The following DCAF15 variants were observed in gnomAD, a reference collection of about 807,000 sequenced individuals.
DCAF15 encodes DDB1- and CUL4-associated factor 15.
DCAF15 carries 24 observed loss-of-function variants against 68.0 expected under a neutral mutation model. The observed-to-expected ratio is 0.35, with a 90% CI of 0.26 to 0.50. DCAF15 has a LOEUF of 0.50. Among genes scored for constraint, DCAF15 ranks in the 20% least tolerant of loss-of-function variants. The pLI is 0.98. For missense variants in DCAF15, 627 were observed against 830.6 expected (o/e 0.75, Z 3.01); for synonymous variants, 376 against 341.6 (o/e 1.10, Z -1.11).
intron 6 of DCAF15, 147 bp from the exon 7 acceptor site, chr19:13,958,898 C>T (rs1332473673): frequency 2.1e-6 from 2 of 951,190 alleles, no homozygotes; most frequent in African/African-American, 1.6e-5. Flanking sequence ...AAAGGTCTTT[C>T]CCCTTTTGGG....
chr19:13,960,888 G>T (rs374451092), intron 12 of DCAF15, 52 bp from the exon 13 acceptor site: 37 of 1,610,112 alleles, frequency 2.3e-5, no homozygotes, highest in Non-Finnish European at 3.1e-5. Flanking sequence ...GGGTGTGGCC[G>T]CAGGGCCAGG....
chr19:13,956,514 A>G lies in DCAF15; in HGVS notation c.776A>G (p.His259Arg). ...YSLVACAVSV[H>R]SAGDRSFCQI... ...CTGGTGGCCTGCGCCGTCTCCGTCC[A>G]CTCGGCAGGTAGGCCCTGCGGTCTC... The change falls in exon 6 of 13, where the codon CAC becomes CGC. Residue 259 changes from histidine (H) to arginine (R), a missense_variant. Around this residue, in one of 3 missense-constraint regions of DCAF15, gnomAD observed 273 missense variants for 393.7 expected, o/e 0.69. Coordinates refer to ENST00000254337, the MANE Select transcript of DCAF15 (RefSeq NM_138353.4). 6.2e-7 allele frequency: 1 copy of G among 1,612,862 alleles called. No individual in the cohort carries two copies. Among genetic ancestry groups the G allele is most frequent in the Non-Finnish European group, 8.5e-7 (1 of 1,179,940 alleles).
chr19:13,959,184 T>G lies in DCAF15; in HGVS notation c.924T>G (p.Ser308=), dbSNP rs994144257. The G allele has an allele frequency of 6.2e-7, 1 of 1,612,708 alleles. No homozygotes were observed. The highest frequency in any genetic ancestry group is 8.5e-7 in the Non-Finnish European group (1 of 1,179,876). ...FCPEAAPARS[S]GSPEPSPAIA... is the part of the protein sequence containing the mutation. ...CTGAGGCGGCCCCAGCCCGTTCTTC[T>G]GGGTCTCCTGAGCCCTCGCCCGCCA... Residue 308 remains serine, a synonymous_variant, in exon 7 of 13, where the codon TCT becomes TCG. Transcript: ENST00000254337.
chr19:13,960,611 G>A (rs552951615), intron 12 of DCAF15, 31 bp downstream of exon 12: 2 of 1,536,604 alleles, frequency 1.3e-6, no homozygotes. Flanking sequence ...GATGGTCAGG[G>A]TCACCAGGAA....
chr19:13,953,991 C>T (rs937097694), intron 1 of DCAF15, among the ~76,000 whole-genome samples: 3 of 152,052 alleles, frequency 2.0e-5, no homozygotes, highest in Non-Finnish European at 4.4e-5. Context: ...TTAGGGACAG[C>T]CTTCAGGGAG....
At chr19:13,958,410 C>T (rs895930580) in intron 6 of DCAF15, among the ~76,000 whole-genome samples, 1 of 152,204 alleles carries the variant, frequency 6.6e-6, no homozygotes, top group East Asian at 1.9e-4. Context: ...TATCCCTGAG[C>T]TGCATTCTGG....
At chr19:13,956,299 T>TCC (rs755586361) in intron 5 of DCAF15, 37 bp downstream of exon 5, 1 of 1,609,590 alleles carries the variant, frequency 6.2e-7, no homozygotes, top group Non-Finnish European at 8.5e-7. Context: ...TCTTCCCCCC[T>TCC]CCCCCCCTTG....
intron 10 of DCAF15, 22 bp downstream of exon 10, chr19:13,960,091 T>C (rs1283857305): frequency 1.2e-6 from 2 of 1,612,174 alleles, no homozygotes; most frequent in South Asian, 2.2e-5. Context: ...GATCCTGCCC[T>C]CTCTGTCCAC....
chr19:13,952,715 A>G (rs2145479156), intron 1 of DCAF15, 71 bp downstream of exon 1: 2 of 210,682 alleles, frequency 9.5e-6, no homozygotes, highest in South Asian at 1.1e-4. Flanking sequence ...CGGAGGGAGG[A>G]GGGCGTTCGC....
chr19:13,955,370 G>A (rs1006122917), intron 3 of DCAF15, among the ~76,000 whole-genome samples: 1 of 152,170 alleles, frequency 6.6e-6, no homozygotes, highest in African/African-American at 2.4e-5. Flanking sequence ...GCAGTGAGCC[G>A]AGATCGAACC....
chr19:13,960,042 C>T lies in DCAF15; in HGVS notation c.1499C>T (p.Pro500Leu), dbSNP rs950893697. The T allele has an allele frequency of 8.7e-6, 14 of 1,613,708 alleles. No homozygotes were observed. The highest frequency in any genetic ancestry group is 2.2e-5 in the East Asian group (1 of 44,880). Residue 500 changes from proline (P) to leucine (L), a missense_variant, in exon 10 of 13, where the codon CCG becomes CTG. By Grantham distance (98) the Pro-to-Leu change is moderately conservative. Transcript: ENST00000254337. Reference protein sequence around the residue: ...INIGLLLLAFPSPTEEGQLRP... With the variant: ...INIGLLLLAFLSPTEEGQLRP... ...ATTGGCCTGCTGCTCCTGGCCTTCC[C>T]GTCCCCCACTGAGGAGGGCCAGCTC...
chr19:13,959,526 G>A lies in DCAF15; in HGVS notation c.1219+47G>A, dbSNP rs10425669. On this transcript the variant is annotated intron_variant, in intron 7 of 12. Coordinates refer to ENST00000254337, the MANE Select transcript of DCAF15 (RefSeq NM_138353.4). Reference sequence around the variant, plus strand: ...GACAGGGCCTGGGATGGAGAGGCCAGCCCAGACGGGGCCCCTGGCCTCCCT... The same window carrying A: ...GACAGGGCCTGGGATGGAGAGGCCAACCCAGACGGGGCCCCTGGCCTCCCT... The A allele has an allele frequency of 0.025, 39,713 of 1,611,194 alleles. 7,294 individuals carry two copies. In the African/African-American group the frequency reaches 0.43, roughly 17 times the overall value.
At position 13,960,870 on chromosome 19, in the gene DCAF15, C is replaced by G. The variant is rs959755864; in HGVS notation, c.1748-70C>G. ...GGAACCTTCTGGGCCAGAAGCAAGTCAGGTGGAGGGTGTGGCCGCAGGGCC... is the reference window on the plus strand; with the variant it reads ...GGAACCTTCTGGGCCAGAAGCAAGTGAGGTGGAGGGTGTGGCCGCAGGGCC... On this transcript the variant is annotated intron_variant, in intron 12 of 12. Coordinates refer to ENST00000254337, the MANE Select transcript of DCAF15 (RefSeq NM_138353.4). The G allele has an allele frequency of 1.9e-6, 3 of 1,599,760 alleles. No individual in the cohort carries two copies. In the African/African-American group the frequency reaches 4.0e-5, roughly 21 times the overall value.
rs202058723 is a variant in DCAF15, at chr19:13,954,565, C to T, written c.270C>T (p.Val90=). The T allele has an allele frequency of 7.4e-6, 12 of 1,614,210 alleles. 1 individual carries two copies. Among genetic ancestry groups the T allele is most frequent in the Middle Eastern group, 1.6e-4 (1 of 6,062 alleles). Residue 90 remains valine (V), a synonymous_variant, in exon 3 of 13, where the codon GTC becomes GTT. Transcript: ENST00000254337. Reference sequence around the variant, plus strand: ...GCTTTTCCAAATGCGGCCGCTACGTCCTCTCCTACACCAGCAGCAGTGGGG... The same window carrying T: ...GCTTTTCCAAATGCGGCCGCTACGTTCTCTCCTACACCAGCAGCAGTGGGG... ...FLGFSKCGRY[V]LSYTSSSGDD...
At position 13,959,452 on chromosome 19, in the gene DCAF15, TCCGGAGAGGGGA is replaced by T; in HGVS notation, c.1194_1205del (p.Gly399_Thr402del). On this transcript the variant is annotated inframe_deletion, in exon 7 of 13. Transcript: ENST00000254337. ...CACCAAGCTGTACTATGTGCTGGAGTCCGGAGAGGGGACGGAGCCGGAGGATGGTGAGCGGGG... is the reference window on the plus strand; with the variant it reads ...CACCAAGCTGTACTATGTGCTGGAGTCGGAGCCGGAGGATGGTGAGCGGGG... 6.2e-7 allele frequency: 1 copy of T among 1,608,872 alleles called. No homozygotes were observed. The highest frequency in any genetic ancestry group is 8.5e-7 in the Non-Finnish European group (1 of 1,178,348).
chr19:13,953,023 T>A, intron 1 of DCAF15: 1 of 1,394,234 alleles, frequency 7.2e-7, no homozygotes, highest in Non-Finnish European at 9.9e-7. Flanking sequence ...TCCCGCCCCC[T>A]TTGCAGAGCC....
At chr19:13,960,438 A>G (rs377132799) in intron 11 of DCAF15, 27 bp from the exon 12 acceptor site, 40 of 1,612,000 alleles carry the variant, frequency 2.5e-5, no homozygotes, top group Non-Finnish European at 3.4e-5. Flanking sequence ...CAAGGCGACG[A>G]GAGCCACTCA....
Position 13,955,910 on chromosome 19 carries a change from A to G in DCAF15, c.367-2A>G. On this transcript the variant is annotated splice_acceptor_variant, in intron 3 of 12. Transcript: ENST00000254337. LOFTEE classifies it high-confidence loss of function. Reference sequence around the variant, plus strand: ...GGTGCTGCCCCTGAACGTGCCTCACAGGTCCGGCAGGTTCGGCTATTCCAG... The same window carrying G: ...GGTGCTGCCCCTGAACGTGCCTCACGGGTCCGGCAGGTTCGGCTATTCCAG... The G allele has an allele frequency of 6.2e-7, 1 of 1,613,596 alleles. No individual in the cohort carries two copies. Among genetic ancestry groups the G allele is most frequent in the Non-Finnish European group, 8.5e-7 (1 of 1,179,938 alleles).
chr19:13,960,484 T>C lies in DCAF15; in HGVS notation c.1651T>C (p.Tyr551His), dbSNP rs1599464595. The change falls in exon 12 of 13, where the codon TAC becomes CAC. Residue 551 changes from tyrosine to histidine, a missense_variant. Around this residue, in one of 3 missense-constraint regions of DCAF15, gnomAD observed 118 missense variants for 211.8 expected, o/e 0.56. Coordinates refer to ENST00000254337, the MANE Select transcript of DCAF15 (RefSeq NM_138353.4). ...CCGCAGCGGCAGTGTCTGGAGCTCCTACCGCAAGAGCTGCGTGGACATGGT... is the reference window on the plus strand; with the variant it reads ...CCGCAGCGGCAGTGTCTGGAGCTCCCACCGCAAGAGCTGCGTGGACATGGT... Reference protein sequence around the residue: ...GQTSGSVWSSYRKSCVDMVMK... With the variant: ...GQTSGSVWSSHRKSCVDMVMK... 1 of 1,611,776 alleles carries C rather than the reference T, an allele frequency of 6.2e-7. No individual in the cohort carries two copies. Among genetic ancestry groups the C allele is most frequent in the East Asian group, 2.2e-5 (1 of 44,840 alleles).
Sources: gnomAD v4.1 joint callset for allele counts (sites outside exome capture counted in the v4.1 genomes callset) on GRCh38, gnomAD v4.1.1 for gene constraint, gnomAD v4.1.1 regional missense constraint, MANE v1.5 for transcripts, NCBI Gene and HGNC (gene_info 2026-07-23, HGNC 2026-07-21) for gene names.